The following PAAF1 variants were observed in gnomAD, a reference collection of about 807,000 sequenced individuals.
PAAF1 encodes the protein proteasomal ATPase-associated factor 1.
Under a neutral mutation model 52.8 loss-of-function variants are expected in PAAF1, and 46 were observed. The ratio of observed to expected loss-of-function variants is 0.87; its 90% CI spans 0.69 to 1.11. PAAF1 has a LOEUF of 1.11. Among genes scored for constraint, PAAF1 ranks in the 50% most tolerant of loss-of-function variants. The pLI is 0.00. For missense variants in PAAF1, 424 were observed against 477.4 expected, an observed-to-expected ratio of 0.89 and a Z score of 1.04; for synonymous variants, 178 against 172.8, an observed-to-expected ratio of 1.03 and a Z score of -0.24.
intron 11 of PAAF1, among the ~76,000 whole-genome samples, chr11:73,926,255 C>T (rs551817297): frequency 2.0e-4 from 30 of 152,232 alleles, no homozygotes; most frequent in African/African-American, 7.0e-4. Flanking sequence ...TACAGGCATG[C>T]GCCACCACAC....
chr11:73,908,329 A>ATATATATGTG (rs200366959), intron 6 of PAAF1, among the ~76,000 whole-genome samples: 1,602 of 145,128 alleles, frequency 0.011, 10 homozygotes, highest in Non-Finnish European at 0.018. Flanking sequence ...GTATATATGT[A>ATATATATGTG]TATATATGTG....
chr11:73,883,662 G>A (rs1414454888), intron 2 of PAAF1, among the ~76,000 whole-genome samples: 4 of 151,850 alleles, frequency 2.6e-5, no homozygotes, highest in South Asian at 2.1e-4. Flanking sequence ...GATTACAGGC[G>A]CCTGCCACCA....
In PAAF1 at chr11:73,896,000, T is replaced by C. The variant is rs1029987831; in HGVS notation, c.283-3146T>C. ...CAGCCCATGTTTGTAATCTCAGCTA[T>C]TGGGAAGCTCAGGCAGGAGGATCAC... On this transcript the variant is annotated intron_variant, in intron 4 of 11. Coordinates refer to ENST00000310571, the MANE Select transcript of PAAF1 (RefSeq NM_025155.3). Among the ~76,000 whole-genome samples the C allele has an allele frequency of 7.9e-5, 12 of 152,104 alleles. 1 individual carries two copies. Among genetic ancestry groups the C allele is most frequent in the African/African-American group, 2.9e-4 (12 of 41,420 alleles).
chr11:73,929,083 C>G lies in PAAF1; in HGVS notation c.*1721C>G, dbSNP rs1950421121. On this transcript the variant is annotated 3_prime_UTR_variant, in exon 12 of 12. Transcript: ENST00000310571. ...TTTTTTTTTTAAAGACAGGGTCTTGCTCTGTTGCCCAGGCTGGAATGCGTT... is the reference window on the plus strand; with the variant it reads ...TTTTTTTTTTAAAGACAGGGTCTTGGTCTGTTGCCCAGGCTGGAATGCGTT... The G allele has an allele frequency of 1.3e-5, 2 of 151,972 alleles. No homozygotes were observed. Among genetic ancestry groups the G allele is most frequent in the African/African-American group, 4.8e-5 (2 of 41,348 alleles). The allele number at this position is 151,972 out of a possible 1,614,324, so 9.4% of individuals were successfully genotyped here. A position where few individuals can be genotyped will look rare whatever the true frequency, so the allele number is the denominator to read the frequency against.
intron 2 of PAAF1, among the ~76,000 whole-genome samples, chr11:73,884,481 C>T (rs572784762): frequency 8.5e-5 from 13 of 152,156 alleles, no homozygotes; most frequent in Admixed American, 3.9e-4. Context: ...GGTGACAGAG[C>T]GAGACCCTGT....
chr11:73,886,250 T>C (rs1949053369), intron 2 of PAAF1, among the ~76,000 whole-genome samples: 1 of 152,220 alleles, frequency 6.6e-6, no homozygotes, highest in Admixed American at 6.5e-5. Flanking sequence ...TGCATACTGA[T>C]CTTCACCTTT....
rs1266708719 is a variant in PAAF1 at position 73,918,993 on chromosome 11, T to A, written c.979T>A (p.Ser327Thr). 6 of 1,614,092 alleles carry A rather than the reference T, an allele frequency of 3.7e-6. No individual in the cohort carries two copies. Among genetic ancestry groups the A allele is most frequent in the African/African-American group, 1.3e-5 (1 of 75,038 alleles). Residue 327 changes from serine (S) to threonine (T), a missense_variant, in exon 10 of 12, where the codon TCC becomes ACC. Transcript: ENST00000310571. Reference sequence around the variant, plus strand: ...CCACAGATCAGGAGCACCAGTTCTATCCCTGCTAAGTGTCAGAGATGGATT... The same window carrying A: ...CCACAGATCAGGAGCACCAGTTCTAACCCTGCTAAGTGTCAGAGATGGATT... ...VIHRSGAPVL[S>T]LLSVRDGFIA...
At chr11:73,904,043 T>C (rs1448355405) in intron 6 of PAAF1, among the ~76,000 whole-genome samples, 2 of 150,610 alleles carry the variant, frequency 1.3e-5, no homozygotes, top group Non-Finnish European at 1.5e-5. Flanking sequence ...AAGATTGCAC[T>C]ACTTCACTCC....
chr11:73,881,300 T>C (rs553177289), intron 2 of PAAF1, among the ~76,000 whole-genome samples: 52 of 152,322 alleles, frequency 3.4e-4, no homozygotes, highest in Non-Finnish European at 2.9e-5. Context: ...TAAAGCAGTA[T>C]TTTTTAAACA....
At chr11:73,924,786 T>C in intron 11 of PAAF1, 89 bp downstream of exon 11, 2 of 1,027,224 alleles carry the variant, frequency 1.9e-6, no homozygotes, top group Non-Finnish European at 3.0e-6. Context: ...CTTGTGGTCA[T>C]TAGGGATGAT....
At chr11:73,899,089 A>G in intron 4 of PAAF1, 57 bp from the exon 5 acceptor site, 2 of 1,366,694 alleles carry the variant, frequency 1.5e-6, no homozygotes, top group Non-Finnish European at 2.1e-6. Context: ...AACATATTTC[A>G]AGGGAATAAG....
At chr11:73,907,459 C>T (rs1249533880) in intron 6 of PAAF1, among the ~76,000 whole-genome samples, 1 of 152,178 alleles carries the variant, frequency 6.6e-6, no homozygotes, top group Non-Finnish European at 1.5e-5. Flanking sequence ...AAGTAGGACA[C>T]AGTTGCACCA....
At chr11:73,908,526 T>C (rs1949840148) in intron 6 of PAAF1, among the ~76,000 whole-genome samples, 1 of 151,392 alleles carries the variant, frequency 6.6e-6, no homozygotes, top group Non-Finnish European at 1.5e-5. Context: ...CACCTCAGCC[T>C]CCTGAGTAGC....
chr11:73,897,331 G>A (rs1485915656), intron 4 of PAAF1, among the ~76,000 whole-genome samples: 4 of 151,704 alleles, frequency 2.6e-5, no homozygotes, highest in Middle Eastern at 3.2e-3. Context: ...AGGCGGAGAC[G>A]CTCCTCACTT....
rs577343634 is a variant in PAAF1, at chr11:73,895,975, C to G, written c.283-3171C>G. 1.4e-4 allele frequency among the ~76,000 whole-genome samples: 21 copies of G among 152,278 alleles called. No individual in the cohort carries two copies. In the East Asian group the frequency reaches 4.0e-3, roughly 29 times the overall value. On this transcript the variant is annotated intron_variant, in intron 4 of 11. Transcript: ENST00000310571. ...AAGTTAAAAAATTAGCTGGACATGC[C>G]AGCCCATGTTTGTAATCTCAGCTAT...
At chr11:73,884,225 G>A (rs897974937) in intron 2 of PAAF1, among the ~76,000 whole-genome samples, 1 of 152,134 alleles carries the variant, frequency 6.6e-6, no homozygotes, top group African/African-American at 2.4e-5. Context: ...AGTCAGCTGG[G>A]CAGGGTAACT....
chr11:73,886,672 CAAAAAAAAAAAA>C (rs55697916), intron 2 of PAAF1, among the ~76,000 whole-genome samples: 6 of 34,284 alleles, frequency 1.8e-4, no homozygotes, highest in Admixed American at 3.7e-4. Flanking sequence ...GACTCCATCT[CAAAAAAAAAAAA>C]AAAAAAAAAA....
intron 2 of PAAF1, among the ~76,000 whole-genome samples, chr11:73,882,429 AT>A (rs1948940479): frequency 7.2e-6 from 1 of 138,682 alleles, no homozygotes; most frequent in Non-Finnish European, 1.6e-5. Context: ...GTTTATTTTT[AT>A]TTTTATTATT....
At position 73,877,008 on chromosome 11, in the gene PAAF1, G is replaced by A. The variant is rs1268258221; in HGVS notation, c.-14G>A. Reference sequence around the variant, plus strand: ...AAGGGGCGGAAGAGGTGGGCTGGTGGAGGCGGGGTCGAGATGGCGGCGCCT... The same window carrying A: ...AAGGGGCGGAAGAGGTGGGCTGGTGAAGGCGGGGTCGAGATGGCGGCGCCT... On this transcript the variant is annotated 5_prime_UTR_variant, in exon 1 of 12. Transcript: ENST00000310571. The A allele has an allele frequency of 6.5e-7, 1 of 1,528,774 alleles. No homozygotes were observed. The highest frequency in any genetic ancestry group is 1.4e-5 in the African/African-American group (1 of 72,262). The allele number at this position is 1,528,774 out of a possible 1,614,324, so 94.7% of individuals were successfully genotyped here.
Sources: allele counts gnomAD v4.1 joint callset (sites outside exome capture counted in the v4.1 genomes callset), GRCh38; gene constraint gnomAD v4.1.1; transcripts MANE v1.5; gene names NCBI Gene and HGNC (gene_info 2026-07-23, HGNC 2026-07-21).